Variants in DCST2 observed in about 807,000 individuals in gnomAD.
DCST2 encodes DC-STAMP domain-containing protein 2.
DCST2 carries 64 observed loss-of-function variants against 81.8 expected under a neutral mutation model. That is an observed-to-expected ratio of 0.78 (90% CI 0.64 to 0.96). The LOEUF (loss-of-function observed/expected upper bound fraction) is 0.96. Among genes scored for constraint, DCST2 ranks in the 40% least tolerant of loss-of-function variants. DCST2 has a pLI of 0.00. For synonymous variants in DCST2, 354 were observed against 402.6 expected, an observed-to-expected ratio of 0.88 and a Z score of 1.44; for missense variants, 945 against 1,001.4, an observed-to-expected ratio of 0.94 and a Z score of 0.76.
At chr1:155,025,003 C>T (rs1659860370) in intron 10 of DCST2, among the ~76,000 whole-genome samples, 2 of 151,876 alleles carry the variant, frequency 1.3e-5, no homozygotes, top group South Asian at 4.2e-4. Context: ...ACAAAATTAA[C>T]TGGGGTGGTG....
intron 14 of DCST2, among the ~76,000 whole-genome samples, chr1:155,019,277 G>C (rs1344982366): frequency 2.0e-5 from 3 of 152,180 alleles, no homozygotes; most frequent in Non-Finnish European, 2.9e-5. Context: ...CATGATAGCT[G>C]TACCACCAGT....
intron 7 of DCST2, among the ~76,000 whole-genome samples, chr1:155,029,647 G>A (rs1660010774): frequency 6.6e-6 from 1 of 152,124 alleles, no homozygotes; most frequent in Non-Finnish European, 1.5e-5. Flanking sequence ...TCCAGTCTAA[G>A]GAGCCCTCCC....
chr1:155,027,554 C>CTTTTTTTT lies in DCST2; in HGVS notation c.1343-847_1343-840dup. ...TTTGTTTTTTAGGAGTTTTTTACTT[C>CTTTTTTTT]TTTTTTTTTTTTTTTTTTTTTTTTG... is the stretch of plus-strand genomic sequence containing the variant. On this transcript the variant is annotated intron_variant, in intron 8 of 14. Transcript: ENST00000368424. 1.6e-3 allele frequency among the ~76,000 whole-genome samples: 101 copies of CTTTTTTTT among 64,024 alleles called. 1 individual carries two copies. Among genetic ancestry groups the CTTTTTTTT allele is most frequent in the African/African-American group, 6.1e-3 (92 of 15,108 alleles). 42.0% of individuals were successfully genotyped at this position (64,024 alleles called of 152,430 possible). A position where few individuals can be genotyped will look rare whatever the true frequency, so the allele number is the denominator to read the frequency against.
Position 155,033,470 on chromosome 1 carries a change from C to T in DCST2, c.232G>A (p.Ala78Thr). 2 of 1,613,952 alleles carry T rather than the reference C, an allele frequency of 1.2e-6. No individual in the cohort carries two copies. The highest frequency in any genetic ancestry group is 2.2e-5 in the East Asian group (1 of 44,892). The change falls in exon 1 of 15, where the codon GCC (alanine) becomes ACC (threonine). Residue 78 changes from alanine to threonine, a missense_variant. Transcript: ENST00000368424. ...TGAGGCAGCAGCAGGAGGACAGTGG[C>T]TCGGACCTGGCGAGAGAATCCCATG... The part of the protein sequence containing the change: ...LGMGFSRQVR[A>T]TVLLLLPQAF...
At position 155,026,368 on chromosome 1, in the gene DCST2, C is replaced by T. The variant is rs750685808; in HGVS notation, c.1545G>A (p.Leu515=). 1.2e-6 allele frequency: 2 copies of T among 1,613,888 alleles called. No homozygotes were observed. The highest frequency in any genetic ancestry group is 1.1e-5 in the South Asian group (1 of 91,086). The change falls in exon 10 of 15, where the codon CTG becomes CTA. Residue 515 remains leucine (L), a synonymous_variant. Coordinates refer to ENST00000368424, the MANE Select transcript of DCST2 (RefSeq NM_144622.3). ...VMYGLCFFIT[L]FGSYVSRLRR... ...GCAGCCGGCTGACATAGCTGCCAAA[C>T]AGGGTGATGAAGAAGCATAGGCCAT... is the stretch of plus-strand genomic sequence containing the variant.
chr1:155,031,796 C>G (rs768318378), intron 3 of DCST2, 25 bp from the exon 4 acceptor site: 27 of 1,610,510 alleles, frequency 1.7e-5, no homozygotes, highest in Non-Finnish European at 2.2e-5. Context: ...AGGGTTGGCA[C>G]CCAGGGCTGG....
Position 155,032,747 on chromosome 1 carries a change from G to C in DCST2, c.461C>G (p.Ala154Gly). ...PLVSALNKIK[A>G]IARKTKEVAD... is the part of the protein sequence containing the mutation. ...CACCTCTTTGGTCTTCCGGGCAATA[G>C]CTTTAATCTTGTTCAGGGCACCTGA... Residue 154 changes from alanine to glycine, a missense_variant, in exon 3 of 15, where the codon GCT (alanine) becomes GGT (glycine). By Grantham distance (60) the Ala-to-Gly change is moderately conservative. Transcript: ENST00000368424. 1.2e-6 allele frequency: 2 copies of C among 1,614,198 alleles called. No individual in the cohort carries two copies. Among genetic ancestry groups the C allele is most frequent in the Non-Finnish European group, 1.7e-6 (2 of 1,180,016 alleles).
intron 8 of DCST2, 72 bp downstream of exon 8, chr1:155,029,161 G>A: frequency 6.4e-7 from 1 of 1,554,402 alleles, no homozygotes; most frequent in Non-Finnish European, 8.8e-7. Context: ...TTGGGAGCAG[G>A]CGGGGAGATC....
intron 3 of DCST2, among the ~76,000 whole-genome samples, 184 bp downstream of exon 3, chr1:155,032,483 A>T (rs567339276): frequency 1.3e-5 from 2 of 151,498 alleles, no homozygotes; most frequent in Admixed American, 1.3e-4. Context: ...TTTATTTTCT[A>T]TTTTTTTATT....
chr1:155,032,267 C>T (rs775730423), intron 3 of DCST2, among the ~76,000 whole-genome samples: 3 of 151,810 alleles, frequency 2.0e-5, no homozygotes, highest in African/African-American at 7.3e-5. Flanking sequence ...GCTGGGATTA[C>T]AGGTGTGAGC....
rs367935921 is a variant in DCST2 at position 155,030,671 on chromosome 1, C to T, written c.806-26G>A. 1.7e-5 allele frequency: 27 copies of T among 1,612,394 alleles called. No individual in the cohort carries two copies. The Admixed American group carries it at 3.2e-4, about 19-fold the overall frequency. ...CTGGGGCCAGCAGGTTCAGGGGAGA[C>T]GTGGGCAAGGAGAGTTAGGAGAGGG... is the stretch of plus-strand genomic sequence containing the variant. On this transcript the variant is annotated intron_variant, in intron 5 of 14. Transcript: ENST00000368424.
Position 155,023,820 on chromosome 1 carries a change from AG to A in DCST2, c.1870+11del, listed in dbSNP as rs1183922969. On this transcript the variant is annotated intron_variant, in intron 12 of 14. Coordinates refer to ENST00000368424, the MANE Select transcript of DCST2 (RefSeq NM_144622.3). ...CCGAGCAGGGAGAGGCACACGCCCCAGGGGGTCTCACCTTGGCAGCCGGGGG... is the reference window on the plus strand; with the variant it reads ...CCGAGCAGGGAGAGGCACACGCCCCAGGGGTCTCACCTTGGCAGCCGGGGG... 1.2e-6 allele frequency: 2 copies of A among 1,613,062 alleles called. No individual in the cohort carries two copies. The highest frequency in any genetic ancestry group is 1.3e-5 in the African/African-American group (1 of 74,906).
chr1:155,030,260 G>A lies in DCST2; in HGVS notation c.1020-19C>T, dbSNP rs113708914. The stretch of plus-strand genomic sequence containing the variant: ...TAGGGCTCTGGGAAGGGGAGGTGGA[G>A]CACATGTGAGGCCCCTTAGGACCCC... On this transcript the variant is annotated intron_variant, in intron 6 of 14. Coordinates refer to ENST00000368424, the MANE Select transcript of DCST2 (RefSeq NM_144622.3). The A allele has an allele frequency of 5.0e-6, 8 of 1,613,906 alleles. No homozygotes were observed. The African/African-American group carries it at 6.7e-5, about 13-fold the overall frequency.
At position 155,030,176 on chromosome 1, in the gene DCST2, C is replaced by T. The variant is rs1390783522; in HGVS notation, c.1085G>A (p.Arg362Gln). The change falls in exon 7 of 15, where the codon CGA (arginine) becomes CAA (glutamine). Residue 362 changes from arginine (R) to glutamine (Q), a missense_variant. Physicochemically the swap from Arg to Gln is conservative, Grantham distance 43. Transcript: ENST00000368424. ...DHYDNIYITS[R>Q]FLRMEAVRST... The stretch of plus-strand genomic sequence containing the variant: ...GCGCACAGCCTCCATGCGCAGGAAT[C>T]GGCTAGTGATGTAGATATTGTCATA... The T allele has an allele frequency of 8.7e-6, 14 of 1,614,010 alleles. No individual in the cohort carries two copies. The highest frequency in any genetic ancestry group is 1.3e-5 in the African/African-American group (1 of 74,898).
At chr1:155,031,049 T>G in intron 5 of DCST2, 120 bp downstream of exon 5, 2 of 1,121,998 alleles carry the variant, frequency 1.8e-6, no homozygotes, top group Non-Finnish European at 1.3e-6. Context: ...CTTGAGCCCC[T>G]TTCTTTCTCT....
At chr1:155,032,176 G>A (rs865859308) in intron 3 of DCST2, among the ~76,000 whole-genome samples, 1 of 152,012 alleles carries the variant, frequency 6.6e-6, no homozygotes, top group South Asian at 2.1e-4. Flanking sequence ...TGTATTTTTA[G>A]TAGAGACGGG....
chr1:155,025,763 A>G (rs1659886321), intron 10 of DCST2, among the ~76,000 whole-genome samples: 1 of 151,532 alleles, frequency 6.6e-6, no homozygotes, highest in South Asian at 2.1e-4. Context: ...CAGTGGTGCA[A>G]TCATAGCTCA....
Position 155,018,633 on chromosome 1 carries a change from T to C in DCST2, c.2233A>G (p.Thr745Ala). ...PHRPPETSSATKGAPTPASEP... is the reference protein window; with the variant it reads ...PHRPPETSSAAKGAPTPASEP... Reference sequence around the variant, plus strand: ...GAAGCTGGAGTGGGGGCTCCTTTAGTGGCGGAGGATGTCTCAGGTGGTCTG... The same window carrying C: ...GAAGCTGGAGTGGGGGCTCCTTTAGCGGCGGAGGATGTCTCAGGTGGTCTG... Residue 745 changes from threonine to alanine, a missense_variant, in exon 15 of 15, where the codon ACT becomes GCT. Thr to Ala is a moderately conservative substitution (Grantham distance 58, BLOSUM62 0). Coordinates refer to ENST00000368424, the MANE Select transcript of DCST2 (RefSeq NM_144622.3). 6.2e-7 allele frequency: 1 copy of C among 1,613,528 alleles called. No homozygotes were observed. Among genetic ancestry groups the C allele is most frequent in the Non-Finnish European group, 8.5e-7 (1 of 1,179,762 alleles).
rs751096984 is a variant in DCST2 at position 155,033,260 on chromosome 1, C to G, written c.273G>C (p.Gln91His). The G allele has an allele frequency of 2.5e-6, 4 of 1,609,740 alleles. No homozygotes were observed. In the African/African-American group the frequency reaches 4.0e-5, roughly 16 times the overall value. The change falls in exon 2 of 15, where the codon CAG becomes CAC. Residue 91 changes from glutamine (Q) to histidine (H), a missense_variant. By Grantham distance (24) the Gln-to-His change is conservative (BLOSUM62 0). Coordinates refer to ENST00000368424, the MANE Select transcript of DCST2 (RefSeq NM_144622.3). ...CAGCCACCAACAGTAGTGTCCGGCC[C>G]TGCCCTGGGGGCGACAGCTTTGTTA... The part of the protein sequence containing the change: ...LLLLPQAFSR[Q>H]GRTLLLVAAF...
Sources: allele counts gnomAD v4.1 joint callset (sites outside exome capture counted in the v4.1 genomes callset), GRCh38; gene constraint gnomAD v4.1.1; transcripts MANE v1.5; gene names NCBI Gene and HGNC (gene_info 2026-07-23, HGNC 2026-07-21).